The following SOX6 variants were observed in gnomAD, a reference collection of about 807,000 sequenced individuals.
The protein encoded by SOX6 is transcription factor SOX-6.
SOX6 carries 11 observed loss-of-function variants against 97.8 expected under a neutral mutation model. The observed-to-expected ratio is 0.11, with a 90% CI of 0.07 to 0.19. The LOEUF (loss-of-function observed/expected upper bound fraction) is 0.19. SOX6 is among the 10% of genes least tolerant of loss of function. The pLI is 1.00. For synonymous variants in SOX6, 360 were observed against 371.4 expected (o/e 0.97, Z 0.35); for missense variants, 810 against 1,039.5 (o/e 0.78, Z 3.04).
intron 9 of SOX6, among the ~76,000 whole-genome samples, chr11:16,086,990 G>C (rs955980345): frequency 6.6e-6 from 1 of 152,086 alleles, no homozygotes; most frequent in African/African-American, 2.4e-5. Context: ...CTATATACCA[G>C]TCAACAGAGC....
At chr11:16,657,343 T>C (rs1847730782) in intron 3 of SOX6, among the ~76,000 whole-genome samples, 1 of 152,230 alleles carries the variant, frequency 6.6e-6, no homozygotes, top group African/African-American at 2.4e-5. Flanking sequence ...AGTTTATCCA[T>C]TTACCTGCTG....
chr11:16,377,151 T>G (rs1216100636), intron 1 of SOX6, among the ~76,000 whole-genome samples: 1 of 152,066 alleles, frequency 6.6e-6, no homozygotes, highest in Admixed American at 6.6e-5. Context: ...GGATTCAGCC[T>G]TATTCTCTTT....
At chr11:16,674,212 A>G (rs1847869228) in intron 3 of SOX6, among the ~76,000 whole-genome samples, 1 of 151,470 alleles carries the variant, frequency 6.6e-6, no homozygotes, top group Admixed American at 6.6e-5. Context: ...AAAAAAAATC[A>G]TTCATCATGA....
intron 1 of SOX6, among the ~76,000 whole-genome samples, chr11:16,737,928 C>G (rs1039280863): frequency 2.0e-5 from 3 of 152,006 alleles, no homozygotes; most frequent in African/African-American, 7.2e-5. Context: ...AAAATAGAGG[C>G]TTTTGTGGCA....
At chr11:16,164,174 G>A (rs889067232) in intron 6 of SOX6, among the ~76,000 whole-genome samples, 1 of 152,008 alleles carries the variant, frequency 6.6e-6, no homozygotes, top group Non-Finnish European at 1.5e-5. Context: ...TCACTATGTT[G>A]CCCAGGCTGG....
At chr11:16,497,391 T>A (rs1449683969) in intron 4 of SOX6, among the ~76,000 whole-genome samples, 1 of 151,624 alleles carries the variant, frequency 6.6e-6, no homozygotes, top group Non-Finnish European at 1.5e-5. Context: ...AAAACTGGAA[T>A]CTCTAAAAAT....
intron 12 of SOX6, among the ~76,000 whole-genome samples, chr11:16,032,649 A>C (rs1393373826): frequency 6.6e-6 from 1 of 152,046 alleles, no homozygotes; most frequent in Non-Finnish European, 1.5e-5. Context: ...ACACATACAC[A>C]ATCATACATA....
chr11:16,259,352 A>T (rs1307276727), intron 3 of SOX6, among the ~76,000 whole-genome samples: 5 of 152,026 alleles, frequency 3.3e-5, no homozygotes, highest in Non-Finnish European at 7.4e-5. Context: ...TAAGAAGTAA[A>T]TTCTCCCTAA....
At chr11:16,526,895 TC>T (rs1291672442) in intron 4 of SOX6, among the ~76,000 whole-genome samples, 1 of 152,026 alleles carries the variant, frequency 6.6e-6, no homozygotes, top group Non-Finnish European at 1.5e-5. Context: ...TTTAAGTTTT[TC>T]CCCGGACATC....
chr11:16,029,807 T>C (rs531368590), intron 12 of SOX6, among the ~76,000 whole-genome samples: 1 of 152,334 alleles, frequency 6.6e-6, no homozygotes, highest in Admixed American at 6.5e-5. Flanking sequence ...TTCAGACCAA[T>C]TAATGACTTA....
intron 6 of SOX6, among the ~76,000 whole-genome samples, chr11:16,172,758 A>T (rs554145722): frequency 5.9e-5 from 9 of 152,132 alleles, no homozygotes; most frequent in Middle Eastern, 3.4e-3. Context: ...TATATGGAAA[A>T]TGAAAAGGCA....
At chr11:16,013,499 G>C (rs187966843) in intron 13 of SOX6, among the ~76,000 whole-genome samples, 197 of 152,108 alleles carry the variant, frequency 1.3e-3, no homozygotes, top group African/African-American at 4.4e-3. Flanking sequence ...AAGTGCCTAT[G>C]AAAATAATGG....
chr11:16,146,746 G>C (rs1185954325), intron 6 of SOX6, among the ~76,000 whole-genome samples: 1 of 152,142 alleles, frequency 6.6e-6, no homozygotes, highest in Non-Finnish European at 1.5e-5. Context: ...ACAGACACAT[G>C]AAAAAATGCT....
intron 3 of SOX6, among the ~76,000 whole-genome samples, chr11:16,675,830 G>A (rs893639355): frequency 1.2e-4 from 18 of 152,126 alleles, no homozygotes; most frequent in Admixed American, 1.1e-3. Flanking sequence ...AGGCTCTCTT[G>A]TACATAAGTC....
At chr11:16,285,064 G>A (rs915236787) in intron 3 of SOX6, among the ~76,000 whole-genome samples, 2 of 151,890 alleles carry the variant, frequency 1.3e-5, no homozygotes, top group Non-Finnish European at 2.9e-5. Context: ...TTATTGGAAG[G>A]GCAGTATAGT....
chr11:16,344,227 C>CT (rs200236153), intron 1 of SOX6, among the ~76,000 whole-genome samples: 53 of 151,502 alleles, frequency 3.5e-4, no homozygotes, highest in African/African-American at 1.1e-3. Flanking sequence ...TTGTTTACAT[C>CT]TTTTTTTTAC....
intron 3 of SOX6, among the ~76,000 whole-genome samples, chr11:16,633,377 A>G (rs1848740776): frequency 6.6e-6 from 1 of 152,246 alleles, no homozygotes; most frequent in African/African-American, 2.4e-5. Flanking sequence ...TCTCTGAAAC[A>G]GTTTAAAATC....
intron 6 of SOX6, among the ~76,000 whole-genome samples, chr11:16,148,419 G>A (rs1308319010): frequency 6.6e-6 from 1 of 152,110 alleles, no homozygotes; most frequent in Non-Finnish European, 1.5e-5. Context: ...TTTATTGCAG[G>A]CACATGAGTG....
At chr11:16,714,537 C>T (rs1469191604) in intron 3 of SOX6, among the ~76,000 whole-genome samples, 3 of 150,848 alleles carry the variant, frequency 2.0e-5, no homozygotes, top group Admixed American at 6.6e-5. Flanking sequence ...CTGCAACCTC[C>T]GCCTCCCGGG....
Sources: gnomAD v4.1 joint callset for allele counts (sites outside exome capture counted in the v4.1 genomes callset) on GRCh38, gnomAD v4.1.1 for gene constraint, MANE v1.5 for transcripts, NCBI Gene and HGNC (gene_info 2026-07-23, HGNC 2026-07-21) for gene names.